CREB5: variants seen among roughly 807,000 people sequenced by gnomAD.
CREB5 encodes cAMP responsive element binding protein 5.
A neutral mutation model predicts 57.1 loss-of-function variants in CREB5; 19 were observed. The ratio of observed to expected loss-of-function variants is 0.33; its 90% CI spans 0.23 to 0.49. CREB5 has a LOEUF of 0.49. CREB5 is among the 20% of genes least tolerant of loss of function. The pLI is 0.99. For missense variants in CREB5, 579 were observed against 671.6 expected (o/e 0.86, Z 1.52); for synonymous variants, 238 against 238.3 (o/e 1.00, Z 0.01).
chr7:28,492,445 G>A (rs765408267), intron 2 of CREB5, among the ~76,000 whole-genome samples: 4 of 151,994 alleles, frequency 2.6e-5, no homozygotes, highest in Non-Finnish European at 5.9e-5. Flanking sequence ...AATTCCAGTG[G>A]CCTTTCTCAG....
At chr7:28,812,253 G>T (rs1489910480) in intron 9 of CREB5, among the ~76,000 whole-genome samples, 3 of 152,202 alleles carry the variant, frequency 2.0e-5, no homozygotes, top group African/African-American at 7.2e-5. Context: ...ATGAGTCTTT[G>T]CAGAATTCCT....
At chr7:28,346,140 T>A (rs1160827736) in intron 1 of CREB5, among the ~76,000 whole-genome samples, 1 of 152,170 alleles carries the variant, frequency 6.6e-6, no homozygotes, top group African/African-American at 2.4e-5. Context: ...AAGGAAGCAA[T>A]TGGAATATCG....
chr7:28,764,078 C>T (rs984995555), intron 7 of CREB5, among the ~76,000 whole-genome samples: 3 of 152,060 alleles, frequency 2.0e-5, no homozygotes, highest in African/African-American at 7.2e-5. Context: ...ACCAGGATTA[C>T]AGGTGTGAGC....
At chr7:28,810,001 C>T (rs1188844038) in intron 9 of CREB5, among the ~76,000 whole-genome samples, 3 of 152,120 alleles carry the variant, frequency 2.0e-5, no homozygotes, top group Non-Finnish European at 2.9e-5. Flanking sequence ...GGCATGTTTT[C>T]ATCTCATTTG....
At chr7:28,793,613 G>A (rs1807856371) in intron 7 of CREB5, among the ~76,000 whole-genome samples, 1 of 152,218 alleles carries the variant, frequency 6.6e-6, no homozygotes, top group Non-Finnish European at 1.5e-5. Context: ...CTCTGGGAAT[G>A]GAGCAAAGGA....
chr7:28,361,315 C>T (rs1786474262), intron 1 of CREB5, among the ~76,000 whole-genome samples: 1 of 152,156 alleles, frequency 6.6e-6, no homozygotes, highest in Non-Finnish European at 1.5e-5. Flanking sequence ...CATCATCAAC[C>T]CTTCCTAATT....
chr7:28,409,108 G>A (rs1384991823), upstream of CREB5, among the ~76,000 whole-genome samples: 1 of 151,676 alleles, frequency 6.6e-6, no homozygotes. This position sits in a 1 kb window ranked among gnomAD's most constrained non-coding sequence, Gnocchi z 4.4. Flanking sequence ...CGTGTCACAC[G>A]GCGCTGGGCT....
rs1808574349 is a variant in CREB5, at chr7:28,804,422, A to T, written c.926A>T (p.Gln309Leu). Residue 309 changes from glutamine to leucine, a missense_variant, in exon 8 of 11, where the codon CAG (glutamine) becomes CTG (leucine). Transcript: ENST00000357727. ...CCTCACCCTCAACCCCATCACCAGC[A>T]GAACCATCCACATCACCACTCCCAT... ...HHPHPQPHHQ[Q>L]NHPHHHSHSH... 1.9e-6 allele frequency: 3 copies of T among 1,613,580 alleles called. No individual in the cohort carries two copies. The highest frequency in any genetic ancestry group is 2.5e-6 in the Non-Finnish European group (3 of 1,180,020).
chr7:28,703,545 C>T (rs1801966726), intron 5 of CREB5, among the ~76,000 whole-genome samples: 1 of 152,094 alleles, frequency 6.6e-6, no homozygotes, highest in Admixed American at 6.6e-5. Flanking sequence ...TGCCATCTGC[C>T]AGCTGGAGAC....
intron 1 of CREB5, among the ~76,000 whole-genome samples, chr7:28,346,921 A>G (rs1786068959): frequency 6.6e-6 from 1 of 152,194 alleles, no homozygotes; most frequent in Non-Finnish European, 1.5e-5. Context: ...AAAAGGGAAG[A>G]CATAATATTA....
At chr7:28,741,675 C>T (rs1285967476) in intron 7 of CREB5, among the ~76,000 whole-genome samples, 4 of 152,134 alleles carry the variant, frequency 2.6e-5, no homozygotes, top group African/African-American at 4.8e-5. Flanking sequence ...GAATGATGAT[C>T]GTATGACAAT....
chr7:28,517,980 T>C (rs572088623), intron 4 of CREB5, among the ~76,000 whole-genome samples: 17 of 152,264 alleles, frequency 1.1e-4, no homozygotes, highest in African/African-American at 4.1e-4. Context: ...TAAGACAACA[T>C]TCGAGCTATT....
chr7:28,345,289 T>TA (rs397935842), intron 1 of CREB5, among the ~76,000 whole-genome samples: 1 of 135,434 alleles, frequency 7.4e-6, no homozygotes, highest in African/African-American at 2.7e-5. Context: ...TTTTTTTTTT[T>TA]ATCTTTTCTC....
intron 4 of CREB5, among the ~76,000 whole-genome samples, chr7:28,567,211 A>G (rs1795519179): frequency 6.6e-6 from 1 of 152,208 alleles, no homozygotes; most frequent in Admixed American, 6.5e-5. Flanking sequence ...TTTTTACTAT[A>G]TATTCAAGGC....
chr7:28,576,017 GA>G (rs1288679755), intron 5 of CREB5, among the ~76,000 whole-genome samples: 4 of 152,238 alleles, frequency 2.6e-5, no homozygotes, highest in African/African-American at 9.6e-5. Flanking sequence ...GGTAGAGCCA[GA>G]ACATGGGAGC....
chr7:28,481,722 C>T (rs909255159), intron 1 of CREB5, among the ~76,000 whole-genome samples: 2 of 152,150 alleles, frequency 1.3e-5, no homozygotes, highest in African/African-American at 2.4e-5. Context: ...TCACCAGTAA[C>T]GCTGGTAAGA....
chr7:28,798,941 C>G (rs1267595228), intron 7 of CREB5, among the ~76,000 whole-genome samples: 1 of 152,172 alleles, frequency 6.6e-6, no homozygotes, highest in Admixed American at 6.5e-5. Flanking sequence ...AAAAATCATT[C>G]TGCAAAATAC....
At chr7:28,370,105 G>A (rs1413171732) in intron 1 of CREB5, among the ~76,000 whole-genome samples, 1 of 152,180 alleles carries the variant, frequency 6.6e-6, no homozygotes, top group East Asian at 1.9e-4. Context: ...GATAAGAACA[G>A]CCACCTATTA....
intron 1 of CREB5, among the ~76,000 whole-genome samples, chr7:28,354,974 G>C (rs1786310990): frequency 6.6e-6 from 1 of 152,148 alleles, no homozygotes; most frequent in South Asian, 2.1e-4. Flanking sequence ...TAAACCAATG[G>C]GGCCTAGCCA....
Sources: gnomAD v4.1 joint callset for allele counts (sites outside exome capture counted in the v4.1 genomes callset) on GRCh38, gnomAD v4.1.1 for gene constraint, Gnocchi (gnomAD v3.1) non-coding constraint, MANE v1.5 for transcripts, NCBI Gene and HGNC (gene_info 2026-07-23, HGNC 2026-07-21) for gene names.